Variants in TRIM24 observed in about 807,000 individuals in gnomAD.
TRIM24 encodes the protein tripartite motif containing 24, also known as transcription intermediary factor 1-alpha.
TRIM24 carries 29 observed loss-of-function variants against 123.9 expected under a neutral mutation model. That is an observed-to-expected ratio of 0.23 (90% confidence interval 0.17 to 0.32). The LOEUF is 0.32. Ranked by LOEUF, TRIM24 falls within the 10% of genes least tolerant of loss-of-function variation. The pLI is 1.00. For synonymous variants in TRIM24, 456 were observed against 461.1 expected (o/e 0.99, Z 0.14); for missense variants, 932 against 1,295.3 (o/e 0.72, Z 4.31).
At chr7:138,514,145 G>C (rs770798084) in intron 2 of TRIM24, among the ~76,000 whole-genome samples, 2 of 152,198 alleles carry the variant, frequency 1.3e-5, no homozygotes, top group Non-Finnish European at 2.9e-5. Flanking sequence ...GACATATCAG[G>C]TATTTGGAAT....
At chr7:138,528,356 G>A (rs1160307869) in intron 5 of TRIM24, among the ~76,000 whole-genome samples, 2 of 152,154 alleles carry the variant, frequency 1.3e-5, no homozygotes, top group African/African-American at 2.4e-5. Flanking sequence ...GGGGAGTGCT[G>A]GGAGAGTCTT....
rs560322338 is a variant in TRIM24 at position 138,542,706 on chromosome 7, A to G, written c.1143+3903A>G. 5.3e-5 allele frequency among the ~76,000 whole-genome samples: 8 copies of G among 152,332 alleles called. No homozygotes were observed. In the South Asian group the frequency reaches 8.3e-4, roughly 16 times the overall value. On this transcript the variant is annotated intron_variant, in intron 7 of 18. Transcript: ENST00000343526. ...CTACCTCTAAATGAAGTTTTCTGTC[A>G]CCTATTCCAAAAAATGGAAGTCCAG...
intron 7 of TRIM24, chr7:138,545,625 T>C (rs1424956446): frequency 7.1e-6 from 3 of 422,884 alleles, no homozygotes; most frequent in Non-Finnish European, 1.4e-5. Context: ...TATGTGTGTA[T>C]GTATTCGTTG....
At chr7:138,545,074 G>C (rs746058342) in intron 7 of TRIM24, among the ~76,000 whole-genome samples, 21 of 152,274 alleles carry the variant, frequency 1.4e-4, no homozygotes, top group Non-Finnish European at 2.6e-4. Flanking sequence ...TGTGTGTTGA[G>C]TATATGAAAC....
At chr7:138,480,274 T>C (rs1302640313) in intron 1 of TRIM24, among the ~76,000 whole-genome samples, 1 of 152,196 alleles carries the variant, frequency 6.6e-6, no homozygotes, top group Non-Finnish European at 1.5e-5. Context: ...TGCCCCACTT[T>C]TATGTTAACA....
At chr7:138,535,710 C>T (rs1035323858) in intron 6 of TRIM24, among the ~76,000 whole-genome samples, 3 of 152,048 alleles carry the variant, frequency 2.0e-5, no homozygotes, top group African/African-American at 7.2e-5. Context: ...TTGCTCTTCT[C>T]AAGGAGTATC....
At chr7:138,479,161 C>T (rs532466172) in intron 1 of TRIM24, among the ~76,000 whole-genome samples, 78 of 152,116 alleles carry the variant, frequency 5.1e-4, no homozygotes, top group African/African-American at 1.9e-3. Context: ...AGAGGTCTCC[C>T]CACCATGAAC....
rs1563038780 is a variant in TRIM24, at chr7:138,508,693, G to GTGTGTGTGTGTGTGTGCGCA, written c.483+4285_483+4286insTGTGTGTGTGTGTGTGCGCA. Among the ~76,000 whole-genome samples the GTGTGTGTGTGTGTGTGCGCA allele has an allele frequency of 7.2e-5, 2 of 27,830 alleles. 1 individual carries two copies. The highest frequency in any genetic ancestry group is 2.2e-4 in the African/African-American group (2 of 9,188). 18.3% of individuals were successfully genotyped at this position (27,830 alleles called of 152,430 possible). On this transcript the variant is annotated intron_variant, in intron 2 of 18. Coordinates refer to ENST00000343526, the MANE Select transcript of TRIM24 (RefSeq NM_015905.3). ...TGTGTGTGTGTGTGTGTGTGTGTGT[G>GTGTGTGTGTGTGTGTGCGCA]CGCGCGCGTGTGTGCGTGTGTGTGT... is the stretch of plus-strand genomic sequence containing the variant.
chr7:138,467,304 T>C (rs1234972944), intron 1 of TRIM24, among the ~76,000 whole-genome samples: 2 of 152,024 alleles, frequency 1.3e-5, no homozygotes, highest in Admixed American at 6.6e-5. Context: ...TGAATCTAGA[T>C]ATCAATTTGG....
chr7:138,527,148 A>G (rs1189565674), intron 5 of TRIM24, among the ~76,000 whole-genome samples: 1 of 151,968 alleles, frequency 6.6e-6, no homozygotes, highest in Non-Finnish European at 1.5e-5. Flanking sequence ...TATGTGTGGG[A>G]TTATTCTGTT....
At chr7:138,493,765 C>T (rs945899998) in intron 1 of TRIM24, among the ~76,000 whole-genome samples, 3 of 152,082 alleles carry the variant, frequency 2.0e-5, no homozygotes, top group Non-Finnish European at 2.9e-5. Flanking sequence ...CCCCATGTTG[C>T]AGCAGGACTA....
chr7:138,587,191 A>G lies in TRIM24; in HGVS notation c.*2240A>G, dbSNP rs1165334907. 1.3e-5 allele frequency: 2 copies of G among 152,164 alleles called. No individual in the cohort carries two copies. Among genetic ancestry groups the G allele is most frequent in the Admixed American group, 1.3e-4 (2 of 15,276 alleles). The allele number at this position is 152,164 out of a possible 1,614,324, so 9.4% of individuals were successfully genotyped here. A position where few individuals can be genotyped will look rare whatever the true frequency, so the allele number is the denominator to read the frequency against. Reference sequence around the variant, plus strand: ...AACATTGTGAAACCCCGCCTCTACAAAAAATACAAAAATTAGCCGGACATG... The same window carrying G: ...AACATTGTGAAACCCCGCCTCTACAGAAAATACAAAAATTAGCCGGACATG... On this transcript the variant is annotated 3_prime_UTR_variant, in exon 19 of 19. Transcript: ENST00000343526.
intron 4 of TRIM24, among the ~76,000 whole-genome samples, chr7:138,520,374 T>C (rs28534820): frequency 0.021 from 3,249 of 152,328 alleles, 95 homozygotes; most frequent in African/African-American, 0.071. Context: ...CAAGTTTCCT[T>C]GTAGAATCAA....
chr7:138,552,943 C>G (rs1473576832), intron 8 of TRIM24, among the ~76,000 whole-genome samples: 2 of 152,142 alleles, frequency 1.3e-5, no homozygotes, highest in Non-Finnish European at 2.9e-5. Flanking sequence ...TAAATCCAAA[C>G]AAGTGGTCAT....
intron 7 of TRIM24, among the ~76,000 whole-genome samples, chr7:138,544,967 A>G (rs1165184193): frequency 6.6e-6 from 1 of 152,234 alleles, no homozygotes; most frequent in African/African-American, 2.4e-5. Context: ...CACCATCATG[A>G]CACCACAAAT....
intron 14 of TRIM24, among the ~76,000 whole-genome samples, chr7:138,578,575 C>T (rs1391425726): frequency 2.0e-5 from 3 of 150,452 alleles, no homozygotes; most frequent in African/African-American, 2.5e-5. Context: ...CGCGCACGCA[C>T]GAATGGAAGC....
At chr7:138,565,033 T>C (rs1203193795) in intron 9 of TRIM24, among the ~76,000 whole-genome samples, 1 of 152,048 alleles carries the variant, frequency 6.6e-6, no homozygotes, top group Non-Finnish European at 1.5e-5. Context: ...GTGGGGCACC[T>C]CCCTAAGCCA....
In TRIM24 at chr7:138,485,548, C is replaced by T. The variant is rs1481762888; in HGVS notation, c.365-18742C>T. Among the ~76,000 whole-genome samples the T allele has an allele frequency of 1.3e-5, 2 of 152,084 alleles. 1 individual carries two copies. Among genetic ancestry groups the T allele is most frequent in the Admixed American group, 1.3e-4 (2 of 15,264 alleles). ...TCCCTGGTGTGTGATGTTCTCTGCCCTGTGTCCAAGTGTTCTCATTGTTCA... is the reference window on the plus strand; with the variant it reads ...TCCCTGGTGTGTGATGTTCTCTGCCTTGTGTCCAAGTGTTCTCATTGTTCA... On this transcript the variant is annotated intron_variant, in intron 1 of 18. Transcript: ENST00000343526.
chr7:138,467,491 G>A (rs1027120023), intron 1 of TRIM24, among the ~76,000 whole-genome samples: 4 of 152,046 alleles, frequency 2.6e-5, no homozygotes, highest in South Asian at 4.2e-4. Context: ...ATAGGCATGC[G>A]CCACTACGCC....
Sources: gnomAD v4.1 joint callset for allele counts (sites outside exome capture counted in the v4.1 genomes callset) on GRCh38, gnomAD v4.1.1 for gene constraint, MANE v1.5 for transcripts, NCBI Gene and HGNC (gene_info 2026-07-23, HGNC 2026-07-21) for gene names.